KIF20B: variants seen among roughly 807,000 people sequenced by gnomAD.
KIF20B encodes kinesin family member 20B, also known as kinesin-like protein KIF20B.
In KIF20B, 188 loss-of-function variants were observed where a neutral mutation model predicts 232.5. The ratio of observed to expected loss-of-function variants is 0.81; its 90% CI spans 0.72 to 0.91. The LOEUF is 0.91. Ranked by LOEUF, KIF20B falls within the 40% of genes least tolerant of loss-of-function variation. The pLI, the probability that KIF20B is intolerant of heterozygous loss-of-function variation, is 0.00. For synonymous variants in KIF20B, 712 were observed against 683.0 expected (o/e 1.04, Z -0.66); for missense variants, 2,154 against 2,055.9 (o/e 1.05, Z -0.92).
At position 89,725,108 on chromosome 10, in the gene KIF20B, A is replaced by G. The variant is rs372702796; in HGVS notation, c.1951A>G (p.Thr651Ala). 4.3e-5 allele frequency: 69 copies of G among 1,613,870 alleles called. No individual in the cohort carries two copies. Among genetic ancestry groups the G allele is most frequent in the Non-Finnish European group, 5.8e-5 (68 of 1,179,920 alleles). The change falls in exon 15 of 33, where the codon ACT (threonine) becomes GCT (alanine). Residue 651 changes from threonine to alanine, a missense_variant. By Grantham distance (58) the Thr-to-Ala change is moderately conservative (BLOSUM62 0). Coordinates refer to ENST00000371728, the MANE Select transcript of KIF20B (RefSeq NM_001284259.2). Reference protein sequence around the residue: ...IFKDLVGKCDTREEAAKDICA... With the variant: ...IFKDLVGKCDAREEAAKDICA... The stretch of plus-strand genomic sequence containing the variant: ...CAAGGATTTGGTTGGTAAATGTGAC[A>G]CTCGAGAAGAAGCAGCGAAAGACAT...
intron 27 of KIF20B, among the ~76,000 whole-genome samples, 155 bp downstream of exon 27, chr10:89,759,037 T>A (rs986052322): frequency 3.9e-5 from 6 of 152,018 alleles, no homozygotes; most frequent in African/African-American, 1.2e-4. Context: ...AGTCTTGAAA[T>A]TTATCATTAA....
intron 9 of KIF20B, among the ~76,000 whole-genome samples, chr10:89,716,749 T>C (rs1244213786): frequency 6.6e-6 from 1 of 152,216 alleles, no homozygotes; most frequent in African/African-American, 2.4e-5. Context: ...TTTATTAATT[T>C]ATAGGAAATC....
rs574555372 is a variant in KIF20B, at chr10:89,762,763, C to G, written c.4917C>G (p.His1639Gln). The change falls in exon 29 of 33, where the codon CAC becomes CAG. Residue 1639 changes from histidine (H) to glutamine (Q), a missense_variant. Transcript: ENST00000371728. ...PLQPNKMAVK[H>Q]PGCTTPVTVK... ...AGCCAAACAAAATGGCAGTGAAACACCCTGGTTGTACCACACCAGTGACAG... is the reference window on the plus strand; with the variant it reads ...AGCCAAACAAAATGGCAGTGAAACAGCCTGGTTGTACCACACCAGTGACAG... The G allele has an allele frequency of 6.2e-7, 1 of 1,613,428 alleles. No homozygotes were observed. The highest frequency in any genetic ancestry group is 8.5e-7 in the Non-Finnish European group (1 of 1,179,618).
At chr10:89,762,246 C>T (rs1842256585) in intron 28 of KIF20B, among the ~76,000 whole-genome samples, 1 of 152,162 alleles carries the variant, frequency 6.6e-6, no homozygotes, top group Non-Finnish European at 1.5e-5. Context: ...ATGAGAGACT[C>T]CATCTCTCAA....
chr10:89,719,514 T>C lies in KIF20B; in HGVS notation c.1530T>C (p.Ser510=), dbSNP rs1843004116. 3 of 1,610,634 alleles carry C rather than the reference T, an allele frequency of 1.9e-6. No homozygotes were observed. The highest frequency in any genetic ancestry group is 1.3e-5 in the African/African-American group (1 of 74,796). ...QDVSLDSNSN[S]KILNVKRATI... ...TATCACTAGACAGTAATTCAAACAGTAAAATATTAAATGTAAAAAGAGCCA... is the reference window on the plus strand; with the variant it reads ...TATCACTAGACAGTAATTCAAACAGCAAAATATTAAATGTAAAAAGAGCCA... The change falls in exon 13 of 33, where the codon AGT becomes AGC. Residue 510 remains serine, a synonymous_variant. Coordinates refer to ENST00000371728, the MANE Select transcript of KIF20B (RefSeq NM_001284259.2).
At chr10:89,710,118 T>C in intron 5 of KIF20B, 53 bp downstream of exon 5, 4 of 1,501,836 alleles carry the variant, frequency 2.7e-6, no homozygotes, top group Non-Finnish European at 3.6e-6. Flanking sequence ...TAATAATCAC[T>C]CAGTGTTTTT....
intron 12 of KIF20B, 27 bp from the exon 13 acceptor site, chr10:89,719,392 T>A: frequency 1.3e-6 from 2 of 1,488,540 alleles, no homozygotes; most frequent in Non-Finnish European, 1.8e-6. Context: ...TTTTCTGTTT[T>A]AAAAGTCACA....
chr10:89,719,369 G>C, intron 12 of KIF20B, 50 bp from the exon 13 acceptor site: 1 of 1,256,080 alleles, frequency 8.0e-7, no homozygotes, highest in Middle Eastern at 2.8e-4. Flanking sequence ...TTTTCTAGTG[G>C]ACAGTTCTTG....
At chr10:89,746,260 G>A (rs990920641) in intron 23 of KIF20B, among the ~76,000 whole-genome samples, 5 of 152,186 alleles carry the variant, frequency 3.3e-5, no homozygotes, top group African/African-American at 4.8e-5. Flanking sequence ...CAAGGACAGA[G>A]GGCTTTCTGT....
At chr10:89,738,678 CT>C in intron 20 of KIF20B, 61 bp downstream of exon 20, 2 of 1,475,674 alleles carry the variant, frequency 1.4e-6, no homozygotes, top group South Asian at 2.9e-5. Context: ...TGCTATGCAG[CT>C]TTAAAAAAGT....
At chr10:89,719,366 G>T (rs75038320) in intron 12 of KIF20B, 53 bp from the exon 13 acceptor site, 2 of 1,230,710 alleles carry the variant, frequency 1.6e-6, no homozygotes, top group African/African-American at 1.5e-5. Context: ...TCATTTTCTA[G>T]TGGACAGTTC....
intron 6 of KIF20B, among the ~76,000 whole-genome samples, chr10:89,712,315 A>G (rs1373193331): frequency 6.6e-6 from 1 of 151,616 alleles, no homozygotes; most frequent in Non-Finnish European, 1.5e-5. Flanking sequence ...GTATAGCGGT[A>G]TGATCATAGC....
In KIF20B at chr10:89,771,752, C is replaced by T. The variant is rs1414023963; in HGVS notation, c.5243-937C>T. Among the ~76,000 whole-genome samples the T allele has an allele frequency of 2.6e-5, 4 of 152,072 alleles. No individual in the cohort carries two copies. In the South Asian group the frequency reaches 6.2e-4, roughly 24 times the overall value. ...TCCAGCCCTGAGGTCTATAAAACTG[C>T]GAGAGCCTTTTGTTTGGGGCTGCCT... On this transcript the variant is annotated intron_variant, in intron 31 of 32. Transcript: ENST00000371728.
chr10:89,762,907 C>T (rs1436089310), intron 29 of KIF20B, 72 bp downstream of exon 29: 2 of 1,089,720 alleles, frequency 1.8e-6, no homozygotes, highest in Non-Finnish European at 2.7e-6. Flanking sequence ...TAGAGTTAAA[C>T]TGCTATATTG....
rs1321329371 is a variant in KIF20B at position 89,738,182 on chromosome 10, TA to T, written c.3345del (p.Glu1116LysfsTer9). On this transcript the variant is annotated frameshift_variant, in exon 20 of 33. Coordinates refer to ENST00000371728, the MANE Select transcript of KIF20B (RefSeq NM_001284259.2). LOFTEE classifies it high-confidence loss of function. ...EKEHKNQDDL[L>X]KEKETLIQQL... is the part of the protein sequence containing the mutation. ...GAGCATAAAAACCAAGATGACCTAC[TA>T]AAAGAAAAAGAAACTCTTATACAGC... 1 of 1,606,314 alleles carries T rather than the reference TA, an allele frequency of 6.2e-7. No individual in the cohort carries two copies.
chr10:89,704,572 T>A (rs1842683917), intron 1 of KIF20B, among the ~76,000 whole-genome samples: 1 of 152,110 alleles, frequency 6.6e-6, no homozygotes, highest in Non-Finnish European at 1.5e-5. Context: ...TTGTTTTTTT[T>A]TTTTGACGGA....
At chr10:89,734,096 T>C (rs764988634) in intron 19 of KIF20B, among the ~76,000 whole-genome samples, 6 of 151,942 alleles carry the variant, frequency 3.9e-5, no homozygotes, top group Non-Finnish European at 8.8e-5. Flanking sequence ...TTGAGAGAGC[T>C]AGGGGATTTT....
chr10:89,717,436 C>A lies in KIF20B; in HGVS notation c.1065C>A (p.Phe355Leu). 6.3e-7 allele frequency: 1 copy of A among 1,580,758 alleles called. No individual in the cohort carries two copies. The highest frequency in any genetic ancestry group is 1.1e-5 in the South Asian group (1 of 89,106). Residue 355 changes from phenylalanine to leucine, a missense_variant, in exon 10 of 33, where the codon TTC (phenylalanine) becomes TTA (leucine). Phe to Leu is a conservative substitution (Grantham distance 22). Transcript: ENST00000371728. ...CTTTGTATTTCAGTCACAGCATATT[C>A]ACTGTTAAAATATTACAGATTGAAG... is the stretch of plus-strand genomic sequence containing the variant. ...NNASSRSHSI[F>L]TVKILQIEDS...
At chr10:89,718,897 C>G (rs1589856233) in intron 12 of KIF20B, 25 bp downstream of exon 12, 1 of 1,361,504 alleles carries the variant, frequency 7.3e-7, no homozygotes, top group African/African-American at 1.5e-5. Flanking sequence ...TATTAAGCCT[C>G]TTATTATTAG....
Sources: gnomAD v4.1 joint callset for allele counts (sites outside exome capture counted in the v4.1 genomes callset) on GRCh38, gnomAD v4.1.1 for gene constraint, MANE v1.5 for transcripts, NCBI Gene and HGNC (gene_info 2026-07-23, HGNC 2026-07-21) for gene names.